Variants in WWOX observed in about 807,000 individuals in gnomAD.
The protein encoded by WWOX is WW domain containing oxidoreductase.
WWOX carries 69 observed loss-of-function variants against 46.2 expected under a neutral mutation model. The observed-to-expected ratio is 1.49, with a 90% CI of 1.23 to 1.82. The LOEUF (loss-of-function observed/expected upper bound fraction) is 1.82, where lower values mean the gene tolerates loss of function less well. Ranked by LOEUF, WWOX falls within the 40% of genes most tolerant of loss-of-function variation. The pLI is 0.00. For synonymous variants in WWOX, 359 were observed against 202.6 expected (o/e 1.77, Z -6.56); for missense variants, 919 against 542.6 (o/e 1.69, Z -6.89).
intron 8 of WWOX, among the ~76,000 whole-genome samples, chr16:78,868,563 G>T (rs547184655): frequency 6.6e-6 from 1 of 152,100 alleles, no homozygotes; most frequent in Non-Finnish European, 1.5e-5. Context: ...TGAATTCCAG[G>T]ACCATTAAAT....
At chr16:79,159,703 C>T (rs2050448132) in intron 8 of WWOX, among the ~76,000 whole-genome samples, 1 of 152,184 alleles carries the variant, frequency 6.6e-6, no homozygotes, top group South Asian at 2.1e-4. Flanking sequence ...GGAAAGATAG[C>T]AGGCAGTATT....
At chr16:78,115,247 G>C in intron 4 of WWOX, 93 bp downstream of exon 4, 2 of 1,429,882 alleles carry the variant, frequency 1.4e-6, no homozygotes, top group Non-Finnish European at 2.0e-6. Flanking sequence ...GTGGTTCTCT[G>C]ATTTAAACAT....
rs184969046 is a variant in WWOX at position 78,501,165 on chromosome 16, A to G, written c.1056+68413A>G. On this transcript the variant is annotated intron_variant, in intron 8 of 8. Transcript: ENST00000566780. Reference sequence around the variant, plus strand: ...AACATAAATACCCTCACTGCAATACATGTTTTTCTTTCTCTCTCTTTCTTT... The same window carrying G: ...AACATAAATACCCTCACTGCAATACGTGTTTTTCTTTCTCTCTCTTTCTTT... 7.1e-4 allele frequency among the ~76,000 whole-genome samples: 77 copies of G among 108,366 alleles called. No individual in the cohort carries two copies. In the East Asian group the frequency reaches 0.011, roughly 15 times the overall value. 71.1% of individuals were successfully genotyped at this position (108,366 alleles called of 152,430 possible).
rs1335430153 is a variant in WWOX at position 78,349,595 on chromosome 16, T to G, written c.517-37265T>G. Among the ~76,000 whole-genome samples the G allele has an allele frequency of 1.7e-5, 2 of 120,342 alleles. 1 individual carries two copies. The highest frequency in any genetic ancestry group is 4.0e-5 in the Non-Finnish European group (2 of 50,458). 78.9% of individuals were successfully genotyped at this position (120,342 alleles called of 152,430 possible). ...GGTGCTGCAGGCCACCTTCACAGCC[T>G]TGCCATACCTTTTCCCGTTTATCCA... On this transcript the variant is annotated intron_variant, in intron 5 of 8. Coordinates refer to ENST00000566780, the MANE Select transcript of WWOX (RefSeq NM_016373.4).
At chr16:78,920,974 A>G (rs1287755246) in intron 8 of WWOX, among the ~76,000 whole-genome samples, 1 of 152,184 alleles carries the variant, frequency 6.6e-6, no homozygotes, top group East Asian at 1.9e-4. Flanking sequence ...TACCAGCAGC[A>G]AGGTAGGACA....
chr16:78,723,961 TC>T (rs992888162), intron 8 of WWOX, among the ~76,000 whole-genome samples: 1 of 152,040 alleles, frequency 6.6e-6, no homozygotes, highest in Admixed American at 6.6e-5. Context: ...TCACCATCCA[TC>T]CCCCCATGGC....
intron 1 of WWOX, chr16:78,100,100 C>T: frequency 7.3e-7 from 1 of 1,376,112 alleles, no homozygotes; most frequent in Non-Finnish European, 9.4e-7. Flanking sequence ...TGGTGGCTTC[C>T]CGGCGCGCCC....
intron 8 of WWOX, among the ~76,000 whole-genome samples, chr16:79,057,832 A>G (rs11648833): frequency 0.42 from 63,079 of 151,778 alleles, 14,175 homozygotes; most frequent in Non-Finnish European, 0.49. Flanking sequence ...TTCCGCTGAG[A>G]CTCCATTTAC....
chr16:78,476,040 A>C (rs999936266), intron 8 of WWOX, among the ~76,000 whole-genome samples: 2 of 152,026 alleles, frequency 1.3e-5, no homozygotes, highest in Non-Finnish European at 2.9e-5. Flanking sequence ...TCCTCTGTAA[A>C]ATGATCACTC....
intron 8 of WWOX, among the ~76,000 whole-genome samples, chr16:78,753,820 AAAAAAATATATATATATATATAT>A (rs1292590611): frequency 2.4e-4 from 18 of 76,512 alleles, no homozygotes; most frequent in African/African-American, 8.2e-4. Context: ...AAAAAAAAAA[AAAAAAATATATATATATATATAT>A]ATATATATAT....
chr16:78,548,930 C>G (rs2044112717), intron 8 of WWOX, among the ~76,000 whole-genome samples: 1 of 152,138 alleles, frequency 6.6e-6, no homozygotes, highest in African/African-American at 2.4e-5. Context: ...TCTTAACTGC[C>G]AAGTTTTGCC....
At chr16:78,562,225 A>G (rs989079406) in intron 8 of WWOX, among the ~76,000 whole-genome samples, 4 of 152,208 alleles carry the variant, frequency 2.6e-5, no homozygotes, top group Non-Finnish European at 4.4e-5. Context: ...GAAGGAAATA[A>G]GAGCCTCGCG....
chr16:78,917,812 T>C (rs1355051272), intron 8 of WWOX, among the ~76,000 whole-genome samples: 3 of 152,042 alleles, frequency 2.0e-5, no homozygotes, highest in African/African-American at 7.3e-5. Flanking sequence ...ACCCGTATTG[T>C]GGAATGAAAA....
Position 78,422,760 on chromosome 16 carries a change from C to CACAT in WWOX, c.606-2109_606-2108insCATA, listed in dbSNP as rs1454124600. On this transcript the variant is annotated intron_variant, in intron 6 of 8. Transcript: ENST00000566780. ...ACACATATATATACACATATATACACATATATATACACACATATATATATA... is the reference window on the plus strand; with the variant it reads ...ACACATATATATACACATATATACACACATATATATATACACACATATATATATA... Among the ~76,000 whole-genome samples, 90 of 113,898 alleles carry CACAT rather than the reference C, an allele frequency of 7.9e-4. 4 individuals carry two copies. The highest frequency in any genetic ancestry group is 4.4e-3 in the African/African-American group (86 of 19,366). 74.7% of individuals were successfully genotyped at this position (113,898 alleles called of 152,430 possible). A position where few individuals can be genotyped will look rare whatever the true frequency, so the allele number is the denominator to read the frequency against.
intron 5 of WWOX, among the ~76,000 whole-genome samples, chr16:78,326,121 C>T (rs947068941): frequency 1.3e-5 from 2 of 152,250 alleles, no homozygotes; most frequent in African/African-American, 4.8e-5. Flanking sequence ...GTCCAGGGCT[C>T]TTAGAAACTT....
At chr16:78,825,638 T>G (rs1330144375) in intron 8 of WWOX, 1 of 517,532 alleles carries the variant, frequency 1.9e-6, no homozygotes, top group Non-Finnish European at 3.8e-6. Flanking sequence ...CCTGCGATGG[T>G]GGGCTGTGGT....
At chr16:78,375,464 C>G (rs935737253) in intron 5 of WWOX, among the ~76,000 whole-genome samples, 1 of 152,318 alleles carries the variant, frequency 6.6e-6, no homozygotes, top group African/African-American at 2.4e-5. Context: ...AAATTAAAGC[C>G]TGTCCTGAAA....
rs1381553412 is a variant in WWOX at position 79,104,708 on chromosome 16, A to C, written c.1057-106900A>C. Among the ~76,000 whole-genome samples the C allele has an allele frequency of 2.0e-5, 3 of 152,314 alleles. No individual in the cohort carries two copies. In the South Asian group the frequency reaches 6.2e-4, roughly 32 times the overall value. ...TCCCCGTTCCTCTGTTGATCAGTGA[A>C]CACAAATGCTGGGCCCCAGCATGAG... On this transcript the variant is annotated intron_variant, in intron 8 of 8. Coordinates refer to ENST00000566780, the MANE Select transcript of WWOX (RefSeq NM_016373.4).
intron 8 of WWOX, among the ~76,000 whole-genome samples, chr16:78,839,069 G>A (rs1484130986): frequency 6.6e-6 from 1 of 152,124 alleles, no homozygotes; most frequent in African/African-American, 2.4e-5. Flanking sequence ...ACTGGATCAA[G>A]GGTGCATGAG....
Sources: gnomAD v4.1 joint callset for allele counts (sites outside exome capture counted in the v4.1 genomes callset) on GRCh38, gnomAD v4.1.1 for gene constraint, MANE v1.5 for transcripts, NCBI Gene and HGNC (gene_info 2026-07-23, HGNC 2026-07-21) for gene names.